NEDD9: variants seen among roughly 807,000 people sequenced by gnomAD.
NEDD9 encodes enhancer of filamentation 1.
Under a neutral mutation model 76.6 loss-of-function variants are expected in NEDD9, and 26 were observed. That is an observed-to-expected ratio of 0.34 (90% CI 0.25 to 0.47). NEDD9 has a LOEUF of 0.47. NEDD9 is among the 20% of genes least tolerant of loss of function. NEDD9 has a pLI of 1.00. For missense variants in NEDD9, 937 were observed against 1,058.5 expected, an observed-to-expected ratio of 0.89 and a Z score of 1.59; for synonymous variants, 392 against 414.2, an observed-to-expected ratio of 0.95 and a Z score of 0.65.
intron 2 of NEDD9, among the ~76,000 whole-genome samples, chr6:11,210,441 G>A (rs1473013209): frequency 1.3e-5 from 2 of 152,116 alleles, no homozygotes; most frequent in East Asian, 3.9e-4. Context: ...TTATCTTACA[G>A]ATGAAAAATT....
chr6:11,228,489 C>T (rs1442283059), intron 1 of NEDD9, among the ~76,000 whole-genome samples: 2 of 151,904 alleles, frequency 1.3e-5, no homozygotes, highest in Non-Finnish European at 2.9e-5. Flanking sequence ...GAGGTGGCAC[C>T]ACTGCACTCC....
chr6:11,283,075 G>A (rs1391106557), intron 3 of NEDD9, among the ~76,000 whole-genome samples: 1 of 152,166 alleles, frequency 6.6e-6, no homozygotes, highest in Admixed American at 6.5e-5. Flanking sequence ...GCATTTGCCA[G>A]TCCCGTACCT....
intron 2 of NEDD9, among the ~76,000 whole-genome samples, chr6:11,212,615 ATTCC>A (rs1178737437): frequency 2.0e-5 from 3 of 152,184 alleles, no homozygotes; most frequent in Admixed American, 1.3e-4. Context: ...TTTTAAATTA[ATTCC>A]TTCCTAAATA....
intron 2 of NEDD9, among the ~76,000 whole-genome samples, chr6:11,331,337 C>G (rs982643900): frequency 1.3e-5 from 2 of 148,356 alleles, no homozygotes; most frequent in African/African-American, 5.0e-5. Context: ...AGCATTTACT[C>G]CTCCACAAAT....
chr6:11,232,686 T>G, upstream of NEDD9: 1 of 1,465,016 alleles, frequency 6.8e-7, no homozygotes, highest in East Asian at 2.4e-5. Flanking sequence ...CTGTTGTGAC[T>G]GAGGCAGGCT....
intron 3 of NEDD9, among the ~76,000 whole-genome samples, chr6:11,276,339 G>T (rs1760415843): frequency 6.6e-6 from 1 of 152,204 alleles, no homozygotes; most frequent in Non-Finnish European, 1.5e-5. Context: ...CTCTGTGTGT[G>T]TGTGCATGTA....
intron 3 of NEDD9, among the ~76,000 whole-genome samples, chr6:11,288,462 G>A (rs960869477): frequency 1.3e-5 from 2 of 152,236 alleles, no homozygotes; most frequent in Non-Finnish European, 2.9e-5. Flanking sequence ...GTTGCTTGGT[G>A]TCCACAGGAT....
At chr6:11,237,432 G>C (rs569242013), upstream of NEDD9, among the ~76,000 whole-genome samples, 1 of 152,190 alleles carries the variant, frequency 6.6e-6, no homozygotes, top group African/African-American at 2.4e-5. The surrounding 1 kb of genome is among the most constrained non-coding windows in gnomAD (Gnocchi z 4.9). Flanking sequence ...ATATTCCCCC[G>C]TGTGTTTGAG....
intron 3 of NEDD9, among the ~76,000 whole-genome samples, chr6:11,295,631 C>G (rs1380006756): frequency 6.6e-6 from 1 of 152,134 alleles, no homozygotes; most frequent in Non-Finnish European, 1.5e-5. Flanking sequence ...GGGGCATAAA[C>G]TTCCAACTAC....
At chr6:11,300,245 T>A (rs1469546182) in intron 3 of NEDD9, among the ~76,000 whole-genome samples, 1 of 152,034 alleles carries the variant, frequency 6.6e-6, no homozygotes, top group Non-Finnish European at 1.5e-5. Flanking sequence ...TTCGATCAAG[T>A]GGAAGAAAGG....
intron 1 of NEDD9, among the ~76,000 whole-genome samples, chr6:11,338,228 C>A (rs185406627): frequency 2.6e-5 from 4 of 152,306 alleles, no homozygotes; most frequent in Non-Finnish European, 5.9e-5. Flanking sequence ...CACACAAGGA[C>A]AGTGACACAT....
chr6:11,296,215 A>G (rs1760882003), intron 3 of NEDD9, among the ~76,000 whole-genome samples: 1 of 152,102 alleles, frequency 6.6e-6, no homozygotes, highest in Non-Finnish European at 1.5e-5. Flanking sequence ...GTGAGAGAAT[A>G]AATTTCTGTT....
chr6:11,367,456 C>A (rs1401257127), intron 1 of NEDD9, among the ~76,000 whole-genome samples: 1 of 152,194 alleles, frequency 6.6e-6, no homozygotes, highest in Admixed American at 6.5e-5. Flanking sequence ...TGGTAAGAAT[C>A]CTGGAGAAAG....
At chr6:11,212,898 G>A (rs1758828034) in intron 2 of NEDD9, among the ~76,000 whole-genome samples, 1 of 152,174 alleles carries the variant, frequency 6.6e-6, no homozygotes, top group Admixed American at 6.5e-5. Context: ...TGCATCATCA[G>A]GCTTGTACGA....
intron 1 of NEDD9, among the ~76,000 whole-genome samples, chr6:11,219,130 C>A (rs1264290465): frequency 6.6e-6 from 1 of 152,164 alleles, no homozygotes; most frequent in Admixed American, 6.5e-5. Context: ...TTGACCAGAA[C>A]GCTGGTACAG....
chr6:11,356,195 T>C (rs1439905033), intron 1 of NEDD9, among the ~76,000 whole-genome samples: 1 of 152,172 alleles, frequency 6.6e-6, no homozygotes, highest in Non-Finnish European at 1.5e-5. Flanking sequence ...GACCACCCTC[T>C]AGAATTCCAT....
chr6:11,199,635 A>ATTTTTT (rs1758379324), intron 2 of NEDD9: 3 of 99,226 alleles, frequency 3.0e-5, no homozygotes, highest in African/African-American at 3.7e-5. Flanking sequence ...GCTAGGAAAG[A>ATTTTTT]TCTTTTTTTT....
At chr6:11,250,238 A>C (rs1200997091) in intron 3 of NEDD9, among the ~76,000 whole-genome samples, 1 of 152,146 alleles carries the variant, frequency 6.6e-6, no homozygotes, top group African/African-American at 2.4e-5. Flanking sequence ...TAAAGTCATA[A>C]AATTTTGTGA....
chr6:11,299,514 A>G (rs548953041), intron 3 of NEDD9, among the ~76,000 whole-genome samples: 1 of 152,308 alleles, frequency 6.6e-6, no homozygotes, highest in African/African-American at 2.4e-5. Flanking sequence ...TTCTCTCAGC[A>G]TGGCATTTGA....
Sources: allele counts gnomAD v4.1 joint callset (sites outside exome capture counted in the v4.1 genomes callset), GRCh38; gene constraint gnomAD v4.1.1; non-coding constraint Gnocchi (gnomAD v3.1); transcripts MANE v1.5; gene names NCBI Gene and HGNC (gene_info 2026-07-23, HGNC 2026-07-21).